CAPRIN2: variants seen among roughly 807,000 people sequenced by gnomAD.
The protein encoded by CAPRIN2 is caprin-2.
In CAPRIN2, 66 loss-of-function variants were observed where a neutral mutation model predicts 130.4. That is an observed-to-expected ratio of 0.51 (90% CI 0.42 to 0.62). The LOEUF (loss-of-function observed/expected upper bound fraction) is 0.62, where lower values mean the gene tolerates loss of function less well. Ranked by LOEUF, CAPRIN2 falls within the 20% of genes least tolerant of loss-of-function variation. CAPRIN2 has a pLI of 0.00. For synonymous variants in CAPRIN2, 471 were observed against 444.1 expected, an observed-to-expected ratio of 1.06 and a Z score of -0.76; for missense variants, 1,185 against 1,246.6, an observed-to-expected ratio of 0.95 and a Z score of 0.74.
intron 3 of CAPRIN2, among the ~76,000 whole-genome samples, chr12:30,739,322 T>C (rs2066281133): frequency 6.6e-6 from 1 of 151,804 alleles, no homozygotes; most frequent in Non-Finnish European, 1.5e-5. Flanking sequence ...AAATACCACA[T>C]GTTCTCACAT....
intron 3 of CAPRIN2, among the ~76,000 whole-genome samples, chr12:30,736,929 G>C (rs2065100265): frequency 6.6e-6 from 1 of 152,182 alleles, no homozygotes; most frequent in Non-Finnish European, 1.5e-5. Context: ...TTTATCTTTG[G>C]CCAGTCTCCC....
exon 8 of CAPRIN2, chr12:30,728,717 T>G: frequency 6.2e-7 from 1 of 1,614,124 alleles, no homozygotes; most frequent in Non-Finnish European, 8.5e-7. Context: ...CTGTAGCTAC[T>G]CCCCAGGACT....
At chr12:30,713,971 T>TA (rs1465742747) in intron 14 of CAPRIN2, 86 bp from the exon 17 acceptor site, 3 of 703,232 alleles carry the variant, frequency 4.3e-6, no homozygotes, top group Non-Finnish European at 7.2e-6. Context: ...CTTTAAAAGT[T>TA]AAATTGATTA....
chr12:30,724,908 C>T (rs966155674), intron 9 of CAPRIN2, among the ~76,000 whole-genome samples: 2 of 152,080 alleles, frequency 1.3e-5, no homozygotes, highest in African/African-American at 4.8e-5. Context: ...ACAAGAGGAT[C>T]GCTTGAGCCC....
chr12:30,749,467 T>C (rs2072548184), intron 2 of CAPRIN2, among the ~76,000 whole-genome samples: 1 of 152,166 alleles, frequency 6.6e-6, no homozygotes, highest in Non-Finnish European at 1.5e-5. Context: ...TAATTACTAC[T>C]ATAATAAGTA....
exon 4 of CAPRIN2, chr12:30,735,134 G>C (rs774679617): frequency 2.5e-6 from 4 of 1,614,092 alleles, no homozygotes; most frequent in African/African-American, 1.3e-5. Context: ...AGTATAGTTC[G>C]AAGCTTTTTC....
intron 5 of CAPRIN2, among the ~76,000 whole-genome samples, chr12:30,732,764 T>C (rs1021035725): frequency 1.6e-4 from 25 of 152,116 alleles, no homozygotes; most frequent in African/African-American, 5.8e-4. Flanking sequence ...ACTGCATGGG[T>C]ATACCACATT....
At chr12:30,745,646 C>A (rs1006266595) in intron 2 of CAPRIN2, among the ~76,000 whole-genome samples, 2 of 151,918 alleles carry the variant, frequency 1.3e-5, no homozygotes, top group Admixed American at 6.6e-5. Flanking sequence ...TGAACCAGTG[C>A]TTGAAGGAAA....
In CAPRIN2 at chr12:30,734,886, A is replaced by ACACTCT. The variant is rs1555165895; in HGVS notation, c.809+81_809+82insAGAGTG. ...CACACACACACACACACACACACACACTCTCTCTCTCACATACACACACCC... is the reference window on the plus strand; with the variant it reads ...CACACACACACACACACACACACACACACTCTCTCTCTCTCTCACATACACACACCC... On this transcript the variant is annotated intron_variant, in intron 4 of 16. Transcript: ENST00000298892. 1.1e-5 allele frequency: 6 copies of ACACTCT among 565,212 alleles called. No individual in the cohort carries two copies. The African/African-American group carries it at 1.1e-4, about 10-fold the overall frequency. 35.0% of individuals were successfully genotyped at this position (565,212 alleles called of 1,614,324 possible).
At position 30,753,573 on chromosome 12, in the gene CAPRIN2, G is replaced by C. The variant is rs1435751149; in HGVS notation, c.191C>G (p.Pro64Arg). ...GCCTGAAGGTGACTGGTAACCAAAA[G>C]GGGATGAAAAGAGTTGCACCATTGA... Residue 64 changes from proline to arginine, a missense_variant, in exon 1 of 17, where the codon CCT (proline) becomes CGT (arginine). Transcript: ENST00000298892. 1 of 1,614,146 alleles carries C rather than the reference G, an allele frequency of 6.2e-7. No individual in the cohort carries two copies.
At chr12:30,747,513 A>G (rs1163679883) in intron 2 of CAPRIN2, among the ~76,000 whole-genome samples, 8 of 152,154 alleles carry the variant, frequency 5.3e-5, no homozygotes, top group Non-Finnish European at 1.2e-4. Context: ...CCCCATCTCC[A>G]CTAAAAACAC....
At chr12:30,729,591 A>G (rs1055331059) in intron 7 of CAPRIN2, among the ~76,000 whole-genome samples, 1 of 152,230 alleles carries the variant, frequency 6.6e-6, no homozygotes, top group Non-Finnish European at 1.5e-5. Flanking sequence ...TAAGACTGGC[A>G]AGAATTGCTT....
intron 2 of CAPRIN2, among the ~76,000 whole-genome samples, chr12:30,749,189 A>G (rs1431504672): frequency 6.6e-6 from 1 of 152,190 alleles, no homozygotes; most frequent in Non-Finnish European, 1.5e-5. Flanking sequence ...GGGATGTCTG[A>G]GGAGCAGCAA....
chr12:30,746,488 T>C (rs916827167), intron 2 of CAPRIN2, among the ~76,000 whole-genome samples: 3 of 152,216 alleles, frequency 2.0e-5, no homozygotes, highest in Non-Finnish European at 1.5e-5. Flanking sequence ...GTGATGATGA[T>C]GTGTCAACGT....
At chr12:30,741,603 A>C (rs1265730336) in intron 2 of CAPRIN2, among the ~76,000 whole-genome samples, 1 of 152,150 alleles carries the variant, frequency 6.6e-6, no homozygotes, top group East Asian at 1.9e-4. Context: ...AATTTAAAGG[A>C]GCAAAACTTT....
chr12:30,712,508 C>A (rs117285683), intron 15 of CAPRIN2, among the ~76,000 whole-genome samples: 1 of 152,126 alleles, frequency 6.6e-6, no homozygotes, highest in Non-Finnish European at 1.5e-5. Context: ...AATATTTGCA[C>A]GGCTGATATA....
In CAPRIN2 at chr12:30,720,923, C is replaced by A. The variant is rs749700002; in HGVS notation, c.2044-8G>T. On this transcript the variant is annotated splice_polypyrimidine_tract_variant and splice_region_variant and intron_variant, in intron 11 of 16. Transcript: ENST00000298892. Reference sequence around the variant, plus strand: ...AACTGGAGAAGAAGTAGCCTAGACACAGGAAAATACAAAATATTGTAAAAG... The same window carrying A: ...AACTGGAGAAGAAGTAGCCTAGACAAAGGAAAATACAAAATATTGTAAAAG... 7.0e-6 allele frequency: 11 copies of A among 1,580,086 alleles called. No individual in the cohort carries two copies. Among genetic ancestry groups the A allele is most frequent in the Non-Finnish European group, 8.7e-6 (10 of 1,149,444 alleles).
At chr12:30,746,958 T>C (rs375521591) in intron 2 of CAPRIN2, among the ~76,000 whole-genome samples, 73 of 152,312 alleles carry the variant, frequency 4.8e-4, no homozygotes, top group Admixed American at 2.7e-3. Flanking sequence ...CATCTAGGAC[T>C]TCCATAACTA....
At chr12:30,729,126 G>C in exon 8 of CAPRIN2, 2 of 1,614,052 alleles carry the variant, frequency 1.2e-6, no homozygotes, top group Non-Finnish European at 8.5e-7. Flanking sequence ...GGAAACTGCA[G>C]GCTTGGATAC....
Sources: allele counts gnomAD v4.1 joint callset (sites outside exome capture counted in the v4.1 genomes callset), GRCh38; gene constraint gnomAD v4.1.1; transcripts MANE v1.5; gene names NCBI Gene and HGNC (gene_info 2026-07-23, HGNC 2026-07-21).